FRAS1: variants seen among roughly 807,000 people sequenced by gnomAD.
FRAS1 encodes the protein Fraser extracellular matrix complex subunit 1.
A neutral mutation model predicts 435.2 loss-of-function variants in FRAS1; 290 were observed. That is an observed-to-expected ratio of 0.67 (90% CI 0.61 to 0.73). The LOEUF is 0.73. FRAS1 is among the 30% of genes least tolerant of loss of function. FRAS1 has a pLI of 0.00. For synonymous variants in FRAS1, 1,800 were observed against 1,851.0 expected (o/e 0.97, Z 0.71); for missense variants, 4,860 against 5,001.5 (o/e 0.97, Z 0.85).
intron 58 of FRAS1, among the ~76,000 whole-genome samples, chr4:78,484,798 G>C (rs963868482): frequency 1.3e-5 from 2 of 152,108 alleles, no homozygotes; most frequent in Non-Finnish European, 2.9e-5. Flanking sequence ...GAGGAAATAG[G>C]TCACCCAATG....
intron 47 of FRAS1, among the ~76,000 whole-genome samples, chr4:78,460,604 A>AT (rs1241345126): frequency 6.6e-6 from 1 of 152,236 alleles, no homozygotes. Flanking sequence ...CGGTTTCATT[A>AT]TTTTGTGAAC....
chr4:78,446,775 C>A lies in FRAS1; in HGVS notation c.5905C>A (p.Gln1969Lys), dbSNP rs1194221867. The change falls in exon 43 of 74, where the codon CAG becomes AAG. Residue 1969 changes from glutamine (Q) to lysine (K), a missense_variant. Coordinates refer to ENST00000512123, the MANE Select transcript of FRAS1 (RefSeq NM_025074.7). Reference sequence around the variant, plus strand: ...GATGACCTTGCAGCCCCTCAGAGTGCAGCTGAGCTCGGGAGTGGTGATAAG... The same window carrying A: ...GATGACCTTGCAGCCCCTCAGAGTGAAGCTGAGCTCGGGAGTGGTGATAAG... ...PRMTLQPLRV[Q>K]LSSGVVISNS... 4 of 1,613,416 alleles carry A rather than the reference C, an allele frequency of 2.5e-6. No individual in the cohort carries two copies. Among genetic ancestry groups the A allele is most frequent in the Non-Finnish European group, 3.4e-6 (4 of 1,179,740 alleles).
At chr4:78,526,840 C>A (rs1721549018) in intron 70 of FRAS1, among the ~76,000 whole-genome samples, 183 bp downstream of exon 70, 1 of 152,168 alleles carries the variant, frequency 6.6e-6, no homozygotes, top group South Asian at 2.1e-4. Context: ...TGAAGTCAAA[C>A]CTGGTGATAC....
intron 2 of FRAS1, among the ~76,000 whole-genome samples, chr4:78,196,840 AT>A (rs61224945): frequency 0.019 from 2,843 of 152,214 alleles, 93 homozygotes; most frequent in African/African-American, 0.065. Context: ...CTTGAATGAG[AT>A]TTTTTTCCTC....
intron 2 of FRAS1, chr4:78,071,520 G>C (rs1272943529): frequency 6.6e-6 from 1 of 152,144 alleles, no homozygotes; most frequent in African/African-American, 2.4e-5. Context: ...TGAGGTCTCA[G>C]TTTCTAAATT....
intron 37 of FRAS1, among the ~76,000 whole-genome samples, chr4:78,431,466 A>T (rs1170470421): frequency 6.6e-6 from 1 of 152,234 alleles, no homozygotes; most frequent in East Asian, 1.9e-4. Flanking sequence ...AAATACATTA[A>T]CACAGTGTTG....
At chr4:78,122,393 T>C (rs1039739167) in intron 2 of FRAS1, among the ~76,000 whole-genome samples, 1 of 152,228 alleles carries the variant, frequency 6.6e-6, no homozygotes, top group Non-Finnish European at 1.5e-5. Flanking sequence ...ACATTTGGAT[T>C]GGTTCCACAT....
intron 2 of FRAS1, among the ~76,000 whole-genome samples, chr4:78,207,640 A>G (rs992669019): frequency 1.3e-5 from 2 of 152,204 alleles, no homozygotes; most frequent in Non-Finnish European, 2.9e-5. Context: ...TCAAGAAACT[A>G]TAATAGGTCA....
rs1732258435 is a variant in FRAS1, at chr4:78,387,405, C to T, written c.3679C>T (p.His1227Tyr). ...APYVLRNEVL[H>Y]ISRGERATIT... ...CTATGTGCTGAGAAATGAAGTTCTC[C>T]ACATTAGCAGAGGAGAGAGGGCAAC... Residue 1227 changes from histidine (H) to tyrosine (Y), a missense_variant, in exon 29 of 74, where the codon CAC (histidine) becomes TAC (tyrosine). Coordinates refer to ENST00000512123, the MANE Select transcript of FRAS1 (RefSeq NM_025074.7). 1.2e-6 allele frequency: 2 copies of T among 1,612,188 alleles called. No individual in the cohort carries two copies. The highest frequency in any genetic ancestry group is 1.7e-5 in the Admixed American group (1 of 59,944).
At position 78,499,768 on chromosome 4, in the gene FRAS1, G is replaced by A. The variant is rs375885501; in HGVS notation, c.9163G>A (p.Ala3055Thr). 1.1e-4 allele frequency: 172 copies of A among 1,613,880 alleles called. No homozygotes were observed. The highest frequency in any genetic ancestry group is 1.2e-4 in the Non-Finnish European group (145 of 1,179,812). ...EEAAYQVREP[A>T]GPDAIAILNI... ...AGCTGCATACCAAGTCCGGGAACCC[G>A]CAGGCCCAGATGCCATTGCGATTCT... is the stretch of plus-strand genomic sequence containing the variant. The change falls in exon 61 of 74, where the codon GCA becomes ACA. Residue 3055 changes from alanine (A) to threonine (T), a missense_variant. Coordinates refer to ENST00000512123, the MANE Select transcript of FRAS1 (RefSeq NM_025074.7).
At chr4:78,089,278 G>T (rs1159906184) in intron 2 of FRAS1, among the ~76,000 whole-genome samples, 1 of 138,992 alleles carries the variant, frequency 7.2e-6, no homozygotes, top group African/African-American at 2.7e-5. Context: ...GGGGCCTGTT[G>T]TGTGGTGGGG....
chr4:78,448,346 G>A, intron 44 of FRAS1, 30 bp downstream of exon 44: 12 of 1,550,856 alleles, frequency 7.7e-6, no homozygotes, highest in Non-Finnish European at 1.0e-5. Context: ...GAGTGGCCAT[G>A]GTTTTTCTAT....
intron 2 of FRAS1, among the ~76,000 whole-genome samples, chr4:78,149,506 G>A (rs1279529649): frequency 1.3e-5 from 2 of 152,076 alleles, no homozygotes; most frequent in Non-Finnish European, 2.9e-5. Context: ...TCTCCCTCTA[G>A]ACATTTTCCA....
chr4:78,517,159 T>G (rs1324435336), intron 66 of FRAS1, among the ~76,000 whole-genome samples: 1 of 152,242 alleles, frequency 6.6e-6, no homozygotes, highest in Non-Finnish European at 1.5e-5. Context: ...TTTACAGTAA[T>G]TATTTAGAGA....
At chr4:78,345,866 A>T (rs1454439375) in intron 20 of FRAS1, among the ~76,000 whole-genome samples, 5 of 6,822 alleles carry the variant, frequency 7.3e-4, no homozygotes, top group African/African-American at 8.8e-3. Context: ...TCCTAAATTA[A>T]AAAAAAAAAA....
intron 2 of FRAS1, among the ~76,000 whole-genome samples, chr4:78,227,305 T>TA (rs1358532641): frequency 1.3e-5 from 2 of 152,242 alleles, no homozygotes; most frequent in African/African-American, 4.8e-5. Context: ...TTGGTGCAGT[T>TA]ATGTCTCACT....
At chr4:78,220,377 GA>G (rs1283217301) in intron 2 of FRAS1, among the ~76,000 whole-genome samples, 6 of 152,146 alleles carry the variant, frequency 3.9e-5, no homozygotes, top group Non-Finnish European at 8.8e-5. Flanking sequence ...AGGTTTATTG[GA>G]ACATAGACCT....
At chr4:78,449,097 C>T (rs1560734589) in intron 44 of FRAS1, among the ~76,000 whole-genome samples, 1 of 152,188 alleles carries the variant, frequency 6.6e-6, no homozygotes, top group Non-Finnish European at 1.5e-5. Flanking sequence ...TATCCTGTTA[C>T]TGTTTCATGG....
At chr4:78,228,951 C>T (rs1431143567) in intron 2 of FRAS1, among the ~76,000 whole-genome samples, 4 of 152,250 alleles carry the variant, frequency 2.6e-5, no homozygotes, top group African/African-American at 9.6e-5. Context: ...TGTGCGGAGT[C>T]CTAAAGCTAA....
Sources: allele counts gnomAD v4.1 joint callset (sites outside exome capture counted in the v4.1 genomes callset), GRCh38; gene constraint gnomAD v4.1.1; transcripts MANE v1.5; gene names NCBI Gene and HGNC (gene_info 2026-07-23, HGNC 2026-07-21).